The following SUGCT variants were observed in gnomAD, a reference collection of about 807,000 sequenced individuals.
SUGCT encodes the protein succinyl-CoA:glutarate-CoA transferase.
Under a neutral mutation model 55.0 loss-of-function variants are expected in SUGCT, and 41 were observed. The observed-to-expected ratio is 0.74, with a 90% CI of 0.58 to 0.97. SUGCT has a LOEUF of 0.97. SUGCT is among the 50% of genes least tolerant of loss of function. The pLI, the probability that SUGCT is intolerant of heterozygous loss-of-function variation, is 0.00. For missense variants in SUGCT, 568 were observed against 547.8 expected (o/e 1.04, Z -0.37); for synonymous variants, 187 against 200.4 (o/e 0.93, Z 0.56).
chr7:40,376,214 T>C (rs781217871), intron 9 of SUGCT, among the ~76,000 whole-genome samples: 4 of 152,182 alleles, frequency 2.6e-5, no homozygotes, highest in Non-Finnish European at 4.4e-5. Flanking sequence ...CTTTCACTAA[T>C]CACTATGAAT....
At chr7:40,321,823 A>G (rs574418020) in intron 9 of SUGCT, among the ~76,000 whole-genome samples, 1 of 152,230 alleles carries the variant, frequency 6.6e-6, no homozygotes, top group Admixed American at 6.5e-5. Context: ...TTCTTTATCC[A>G]GTCCATTGTT....
At chr7:40,761,759 CAT>C (rs772252510) in intron 13 of SUGCT, among the ~76,000 whole-genome samples, 18 of 152,182 alleles carry the variant, frequency 1.2e-4, no homozygotes, top group Non-Finnish European at 2.1e-4. Context: ...CTTGGAGCCA[CAT>C]GAGACAAGTT....
intron 12 of SUGCT, among the ~76,000 whole-genome samples, chr7:40,618,577 G>A (rs559139272): frequency 1.3e-5 from 2 of 152,266 alleles, no homozygotes; most frequent in Non-Finnish European, 2.9e-5. Context: ...TTCCCTCTTC[G>A]AAGATCCTTG....
intron 9 of SUGCT, among the ~76,000 whole-genome samples, chr7:40,335,037 A>G (rs1796598881): frequency 6.6e-6 from 1 of 152,070 alleles, no homozygotes. Flanking sequence ...TGTTTTTCTC[A>G]GGTTTGTCAA....
chr7:40,445,730 T>C (rs960385906), intron 9 of SUGCT, among the ~76,000 whole-genome samples: 2 of 152,148 alleles, frequency 1.3e-5, no homozygotes, highest in Non-Finnish European at 2.9e-5. Flanking sequence ...ATGATGAACA[T>C]CTATGCAAAA....
intron 12 of SUGCT, chr7:40,538,799 T>C (rs1164717160): frequency 6.6e-6 from 1 of 152,238 alleles, no homozygotes; most frequent in Admixed American, 6.5e-5. Context: ...TACTGAAGGC[T>C]GGGCGCGGGG....
chr7:40,661,048 A>T (rs1562931679), intron 12 of SUGCT, among the ~76,000 whole-genome samples: 1 of 152,084 alleles, frequency 6.6e-6, no homozygotes, highest in Non-Finnish European at 1.5e-5. Flanking sequence ...AACTTTACTC[A>T]CTGGACTCGT....
At chr7:40,833,822 G>A (rs569310833) in intron 13 of SUGCT, among the ~76,000 whole-genome samples, 1 of 152,342 alleles carries the variant, frequency 6.6e-6, no homozygotes, top group East Asian at 1.9e-4. Context: ...AGTTCAAAGA[G>A]TTTTGTACAA....
chr7:40,140,339 A>G (rs1490243407), intron 1 of SUGCT, among the ~76,000 whole-genome samples: 2 of 152,180 alleles, frequency 1.3e-5, no homozygotes, highest in African/African-American at 4.8e-5. Flanking sequence ...GTCAAAAATC[A>G]GTTGGCTTTA....
At chr7:40,153,312 CAG>C (rs1397058856) in intron 1 of SUGCT, 1 of 380,244 alleles carries the variant, frequency 2.6e-6, no homozygotes, top group Admixed American at 3.5e-5. Context: ...TCATGTGCAA[CAG>C]AGTAGGAGAG....
chr7:40,807,167 T>C (rs573722573), intron 13 of SUGCT, among the ~76,000 whole-genome samples: 1 of 152,322 alleles, frequency 6.6e-6, no homozygotes, highest in East Asian at 1.9e-4. Context: ...AGAGAATCAT[T>C]AAGAAGTTAT....
chr7:40,908,522 A>G, the SUGCT span, among the ~76,000 whole-genome samples: 16 of 152,312 alleles, frequency 1.1e-4, no homozygotes, highest in East Asian at 2.7e-3. Context: ...ATGTTTAAAA[A>G]GTATGAGGAA....
chr7:40,185,136 T>C (rs189805089), intron 3 of SUGCT, among the ~76,000 whole-genome samples: 1 of 152,376 alleles, frequency 6.6e-6, no homozygotes, highest in African/African-American at 2.4e-5. Flanking sequence ...TCATCGCTTT[T>C]AGTCATTGTT....
intron 9 of SUGCT, among the ~76,000 whole-genome samples, chr7:40,368,318 G>A (rs1784116649): frequency 2.6e-5 from 4 of 151,834 alleles, no homozygotes; most frequent in African/African-American, 7.3e-5. Flanking sequence ...CTGCTTCAAC[G>A]TCCTGAGTAG....
At chr7:40,748,423 C>G (rs1302051646) in intron 12 of SUGCT, among the ~76,000 whole-genome samples, 2 of 151,104 alleles carry the variant, frequency 1.3e-5, no homozygotes, top group African/African-American at 2.5e-5. Context: ...TTGTTTTTAA[C>G]TAATTTAGAT....
At chr7:40,662,966 T>G (rs1289094708) in intron 12 of SUGCT, among the ~76,000 whole-genome samples, 2 of 152,170 alleles carry the variant, frequency 1.3e-5, no homozygotes, top group African/African-American at 4.8e-5. Context: ...TGACTAACTC[T>G]CGTAATTTCA....
In SUGCT at chr7:40,272,165, TATATATATATATATATATATATA is replaced by T. The variant is rs1467103554; in HGVS notation, c.577-2347_577-2325del. Among the ~76,000 whole-genome samples the T allele has an allele frequency of 3.4e-5, 3 of 87,724 alleles. 1 individual carries two copies. Among genetic ancestry groups the T allele is most frequent in the African/African-American group, 1.8e-4 (3 of 16,452 alleles). The allele number at this position is 87,724 out of a possible 152,430, so 57.6% of individuals were successfully genotyped here. ...ACATATATATATATATATATATATA[TATATATATATATATATATATATA>T]TATATACAGGGTCTCAGTCTTTTGC... On this transcript the variant is annotated intron_variant, in intron 7 of 13. Coordinates refer to ENST00000335693, the MANE Select transcript of SUGCT (RefSeq NM_001193313.2).
chr7:40,270,603 A>G (rs1307947928), intron 7 of SUGCT, among the ~76,000 whole-genome samples: 1 of 152,172 alleles, frequency 6.6e-6, no homozygotes, highest in Admixed American at 6.5e-5. Context: ...CCTTTATTAC[A>G]GTAGCTTTGT....
chr7:40,365,076 G>C (rs10435164), intron 9 of SUGCT, among the ~76,000 whole-genome samples: 3 of 152,050 alleles, frequency 2.0e-5, no homozygotes, highest in African/African-American at 7.2e-5. Context: ...GATCAAGTGG[G>C]CTTCATCCCT....
Sources: gnomAD v4.1 joint callset for allele counts (sites outside exome capture counted in the v4.1 genomes callset) on GRCh38, gnomAD v4.1.1 for gene constraint, MANE v1.5 for transcripts, NCBI Gene and HGNC (gene_info 2026-07-23, HGNC 2026-07-21) for gene names.